Variants in ADAMTSL3 observed in about 807,000 individuals in gnomAD.
The protein encoded by ADAMTSL3 is ADAMTS-like protein 3.
Under a neutral mutation model 201.7 loss-of-function variants are expected in ADAMTSL3, and 128 were observed. The ratio of observed to expected loss-of-function variants is 0.63; its 90% CI spans 0.55 to 0.73. The LOEUF (loss-of-function observed/expected upper bound fraction) is 0.73. ADAMTSL3 is among the 30% of genes least tolerant of loss of function. ADAMTSL3 has a pLI of 0.00. For synonymous variants in ADAMTSL3, 738 were observed against 748.4 expected, an observed-to-expected ratio of 0.99 and a Z score of 0.23; for missense variants, 1,990 against 2,119.6, an observed-to-expected ratio of 0.94 and a Z score of 1.20.
intron 8 of ADAMTSL3, among the ~76,000 whole-genome samples, chr15:83,866,597 C>T (rs942256579): frequency 1.4e-4 from 21 of 149,006 alleles, no homozygotes; most frequent in African/African-American, 4.4e-4. Context: ...CATCACACAC[C>T]GGGTCCTGTT....
chr15:83,693,643 A>G (rs2061642146), intron 2 of ADAMTSL3, among the ~76,000 whole-genome samples: 1 of 152,216 alleles, frequency 6.6e-6, no homozygotes, highest in African/African-American at 2.4e-5. Flanking sequence ...CACTCTATTT[A>G]AAGCTGCAAT....
At chr15:83,769,522 A>T (rs73437242) in intron 3 of ADAMTSL3, among the ~76,000 whole-genome samples, 2,956 of 152,300 alleles carry the variant, frequency 0.019, 97 homozygotes, top group African/African-American at 0.064. Context: ...GTATGGGTTT[A>T]ATTAGCCCCT....
At chr15:83,760,509 T>C (rs549903760) in intron 3 of ADAMTSL3, among the ~76,000 whole-genome samples, 47 of 152,274 alleles carry the variant, frequency 3.1e-4, no homozygotes, top group African/African-American at 1.0e-3. Flanking sequence ...TAGTTTCAAT[T>C]TGTAATTTAA....
At chr15:83,862,921 G>A (rs1369020915) in intron 8 of ADAMTSL3, 5 of 152,148 alleles carry the variant, frequency 3.3e-5, no homozygotes, top group Non-Finnish European at 7.3e-5. Context: ...AGGGATGGAG[G>A]AAGACCTACC....
chr15:83,771,341 T>G (rs1231384694), intron 3 of ADAMTSL3, among the ~76,000 whole-genome samples: 1 of 152,178 alleles, frequency 6.6e-6, no homozygotes, highest in Non-Finnish European at 1.5e-5. Flanking sequence ...AAGCGTATAG[T>G]ACAGTATTGG....
At chr15:84,022,652 C>T (rs1165256960) in intron 26 of ADAMTSL3, among the ~76,000 whole-genome samples, 2 of 152,198 alleles carry the variant, frequency 1.3e-5, no homozygotes, top group African/African-American at 2.4e-5. Flanking sequence ...ATCTTTTTAT[C>T]TCATGTTTGA....
At chr15:83,730,147 G>A (rs945890220) in intron 3 of ADAMTSL3, among the ~76,000 whole-genome samples, 6 of 152,112 alleles carry the variant, frequency 3.9e-5, no homozygotes, top group Non-Finnish European at 5.9e-5. Flanking sequence ...CAACGAAGTG[G>A]AGTTCTATGT....
chr15:83,847,859 A>G (rs1052036654), intron 7 of ADAMTSL3, among the ~76,000 whole-genome samples: 2 of 147,070 alleles, frequency 1.4e-5, no homozygotes, highest in African/African-American at 5.0e-5. Context: ...ATTAACAAAC[A>G]CTTTTTTTTT....
At chr15:83,720,614 A>G (rs572711621) in intron 3 of ADAMTSL3, among the ~76,000 whole-genome samples, 1 of 152,358 alleles carries the variant, frequency 6.6e-6, no homozygotes, top group African/African-American at 2.4e-5. Flanking sequence ...TTCAGCACAC[A>G]CAAAGGTTAG....
At chr15:83,934,143 G>T (rs532935091) in intron 17 of ADAMTSL3, among the ~76,000 whole-genome samples, 81 of 152,304 alleles carry the variant, frequency 5.3e-4, no homozygotes, top group African/African-American at 1.9e-3. Flanking sequence ...TGAAAAAGCT[G>T]CAGACAACGT....
chr15:83,859,286 G>C (rs72746978), intron 8 of ADAMTSL3, among the ~76,000 whole-genome samples: 172 of 152,314 alleles, frequency 1.1e-3, no homozygotes, highest in Non-Finnish European at 2.0e-3. Flanking sequence ...GGTTAAGAGA[G>C]GGAAGTTTTG....
At chr15:83,726,319 A>G (rs1253287131) in intron 3 of ADAMTSL3, among the ~76,000 whole-genome samples, 1 of 152,084 alleles carries the variant, frequency 6.6e-6, no homozygotes, top group Admixed American at 6.6e-5. Context: ...TTTTCCAAAT[A>G]TAAGATCATA....
intron 7 of ADAMTSL3, among the ~76,000 whole-genome samples, chr15:83,838,684 T>C (rs911021610): frequency 6.6e-6 from 1 of 152,236 alleles, no homozygotes; most frequent in Non-Finnish European, 1.5e-5. Flanking sequence ...ATTTTTTCTG[T>C]CATACCTATT....
At chr15:83,903,970 A>AGCG (rs1567226231) in intron 15 of ADAMTSL3, among the ~76,000 whole-genome samples, 1 of 116,604 alleles carries the variant, frequency 8.6e-6, no homozygotes, top group East Asian at 2.9e-4. Flanking sequence ...GAAAGAAAGA[A>AGCG]AAGGAGCTAC....
At chr15:84,010,797 A>G (rs2067994041) in intron 23 of ADAMTSL3, among the ~76,000 whole-genome samples, 1 of 152,196 alleles carries the variant, frequency 6.6e-6, no homozygotes, top group African/African-American at 2.4e-5. Flanking sequence ...CAGGTAATAC[A>G]TTCAATCAAA....
chr15:83,807,384 A>T (rs1332847052), intron 5 of ADAMTSL3, among the ~76,000 whole-genome samples: 3 of 152,142 alleles, frequency 2.0e-5, no homozygotes, highest in African/African-American at 7.2e-5. Flanking sequence ...CGAACCCGGG[A>T]GGTGGGAGTT....
At chr15:83,954,041 A>T (rs80047070) in intron 19 of ADAMTSL3, among the ~76,000 whole-genome samples, 22 of 152,186 alleles carry the variant, frequency 1.4e-4, no homozygotes, top group Non-Finnish European at 2.8e-4. Context: ...TTGGTATTAT[A>T]TAACCTTCTT....
At chr15:83,928,054 C>A (rs1038893221) in intron 17 of ADAMTSL3, among the ~76,000 whole-genome samples, 2 of 151,874 alleles carry the variant, frequency 1.3e-5, no homozygotes, top group Admixed American at 6.6e-5. Flanking sequence ...CAGTTCACTG[C>A]AGCCTTGAAC....
intron 3 of ADAMTSL3, among the ~76,000 whole-genome samples, chr15:83,723,841 T>G (rs548981225): frequency 2.0e-5 from 3 of 152,252 alleles, no homozygotes; most frequent in East Asian, 3.9e-4. Context: ...AATGAGCATA[T>G]AATACTTTGA....
Sources: gnomAD v4.1 joint callset for allele counts (sites outside exome capture counted in the v4.1 genomes callset) on GRCh38, gnomAD v4.1.1 for gene constraint, MANE v1.5 for transcripts, NCBI Gene and HGNC (gene_info 2026-07-23, HGNC 2026-07-21) for gene names.